Variants in RANBP2 observed in about 807,000 individuals in gnomAD.
The protein encoded by RANBP2 is E3 SUMO-protein ligase RanBP2.
RANBP2 carries 57 observed loss-of-function variants against 303.6 expected under a neutral mutation model. The observed-to-expected ratio is 0.19, with a 90% confidence interval of 0.15 to 0.23. The LOEUF is 0.23. RANBP2 is among the 10% of genes least tolerant of loss of function. The pLI, the probability that RANBP2 is intolerant of heterozygous loss-of-function variation, is 1.00. For synonymous variants in RANBP2, 1,167 were observed against 1,301.5 expected, an observed-to-expected ratio of 0.90 and a Z score of 2.23; for missense variants, 3,138 against 3,780.8, an observed-to-expected ratio of 0.83 and a Z score of 4.46.
At chr2:109,129,892 C>T in the RANBP2 span, 1 of 1,515,328 alleles carries the variant, frequency 6.6e-7, no homozygotes, top group Non-Finnish European at 8.8e-7. Context: ...GGTGCGACTG[C>T]TGGACGGCAT....
At chr2:108,977,656 C>T in the RANBP2 span, among the ~76,000 whole-genome samples, 8 of 152,070 alleles carry the variant, frequency 5.3e-5, no homozygotes, top group African/African-American at 1.2e-4. Flanking sequence ...CGTCCTCCCT[C>T]CTGGGACCCG....
At position 108,751,513 on chromosome 2, in the gene RANBP2, C is replaced by A; in HGVS notation, c.1456-15C>A. On this transcript the variant is annotated splice_polypyrimidine_tract_variant and intron_variant, in intron 10 of 28. Coordinates refer to ENST00000283195, the MANE Select transcript of RANBP2 (RefSeq NM_006267.5). Reference sequence around the variant, plus strand: ...TAATTTTTTTTCTAACTTAACTTTTCCTTAAATAAAACAGGTATTTCTCCT... The same window carrying A: ...TAATTTTTTTTCTAACTTAACTTTTACTTAAATAAAACAGGTATTTCTCCT... 6.2e-7 allele frequency: 1 copy of A among 1,611,432 alleles called. No individual in the cohort carries two copies. The highest frequency in any genetic ancestry group is 8.5e-7 in the Non-Finnish European group (1 of 1,179,678).
rs374238670 is a variant in RANBP2 at position 108,756,753 on chromosome 2, A to T, written c.2466+1494A>T. Among the ~76,000 whole-genome samples the T allele has an allele frequency of 2.4e-4, 36 of 152,318 alleles. No homozygotes were observed. The South Asian group carries it at 2.9e-3, about 12-fold the overall frequency. On this transcript the variant is annotated intron_variant, in intron 17 of 28. Coordinates refer to ENST00000283195, the MANE Select transcript of RANBP2 (RefSeq NM_006267.5). ...TAATGATCTTGGGCCAGTCACTTCC[A>T]TTGTGACTGTTTGGCTTCTTATCTT...
At chr2:109,073,092 C>A in the RANBP2 span, among the ~76,000 whole-genome samples, 1 of 152,090 alleles carries the variant, frequency 6.6e-6, no homozygotes. Flanking sequence ...CTGACCCAAA[C>A]AGAATGGAGA....
At chr2:109,427,701 A>G in the RANBP2 span, among the ~76,000 whole-genome samples, 1 of 152,200 alleles carries the variant, frequency 6.6e-6, no homozygotes, top group African/African-American at 2.4e-5. Flanking sequence ...TCCTTCCATG[A>G]ACTCTGTGAC....
At chr2:109,322,056 A>G in the RANBP2 span, among the ~76,000 whole-genome samples, 1 of 152,198 alleles carries the variant, frequency 6.6e-6, no homozygotes, top group Admixed American at 6.5e-5. Context: ...ACTGGAAGGC[A>G]CAGCAAGGAG....
chr2:109,497,614 G>A, the RANBP2 span, among the ~76,000 whole-genome samples: 2 of 152,182 alleles, frequency 1.3e-5, no homozygotes, highest in South Asian at 2.1e-4. Context: ...ACACGGACAC[G>A]ACAACGGCGC....
the RANBP2 span, chr2:109,614,240 T>C: frequency 1.3e-6 from 1 of 787,624 alleles, no homozygotes; most frequent in African/African-American, 1.8e-5. Flanking sequence ...CCTAGGTAGG[T>C]GTGGCCGAGA....
At chr2:109,532,963 A>T in the RANBP2 span, among the ~76,000 whole-genome samples, 2 of 152,130 alleles carry the variant, frequency 1.3e-5, no homozygotes, top group African/African-American at 4.8e-5. Context: ...GGCCAGGTGC[A>T]TGCTTGGCCC....
the RANBP2 span, among the ~76,000 whole-genome samples, chr2:109,326,692 T>A: frequency 1.3e-5 from 2 of 152,222 alleles, no homozygotes; most frequent in African/African-American, 4.8e-5. Flanking sequence ...TCTTGAAAGA[T>A]CTATCTGTTC....
chr2:109,295,011 A>G, the RANBP2 span, among the ~76,000 whole-genome samples: 1 of 152,248 alleles, frequency 6.6e-6, no homozygotes, highest in Non-Finnish European at 1.5e-5. Context: ...AAGCTATTCC[A>G]TGGATTAGCC....
chr2:108,956,737 G>A, the RANBP2 span, among the ~76,000 whole-genome samples: 7 of 151,976 alleles, frequency 4.6e-5, no homozygotes, highest in South Asian at 1.2e-3. Context: ...GGACTTTTAC[G>A]ATTAGGATCC....
At chr2:109,444,201 GA>G in the RANBP2 span, among the ~76,000 whole-genome samples, 1 of 152,200 alleles carries the variant, frequency 6.6e-6, no homozygotes, top group Non-Finnish European at 1.5e-5. Flanking sequence ...ATTTTGAGCT[GA>G]ATGAAATGAA....
the RANBP2 span, among the ~76,000 whole-genome samples, chr2:109,529,479 T>C: frequency 1.3e-5 from 2 of 151,812 alleles, no homozygotes; most frequent in Non-Finnish European, 2.9e-5. Flanking sequence ...GGGAAGGAGA[T>C]AGCACGGCCT....
At chr2:109,249,580 C>CTTTCCT in the RANBP2 span, among the ~76,000 whole-genome samples, 2 of 102,612 alleles carry the variant, frequency 1.9e-5, no homozygotes, top group African/African-American at 8.3e-5. Flanking sequence ...TCCTTCCTTC[C>CTTTCCT]TTCCTTTCCT....
chr2:109,457,063 G>A, the RANBP2 span, among the ~76,000 whole-genome samples: 5 of 152,184 alleles, frequency 3.3e-5, no homozygotes, highest in African/African-American at 9.7e-5. Flanking sequence ...ATGTGACTTC[G>A]AGCAAGCTTC....
chr2:109,645,229 A>G, the RANBP2 span, among the ~76,000 whole-genome samples: 1 of 152,210 alleles, frequency 6.6e-6, no homozygotes, highest in Non-Finnish European at 1.5e-5. Flanking sequence ...AGAGGCAACC[A>G]AGGTTTAAAT....
chr2:108,857,901 C>T, the RANBP2 span, among the ~76,000 whole-genome samples: 3 of 152,146 alleles, frequency 2.0e-5, no homozygotes, highest in African/African-American at 7.2e-5. Context: ...GCATCTTTCT[C>T]GTTGTCAAAG....
chr2:109,236,622 A>G, the RANBP2 span, among the ~76,000 whole-genome samples: 3 of 152,340 alleles, frequency 2.0e-5, no homozygotes, highest in South Asian at 6.2e-4. Context: ...TACCATTAAC[A>G]TTACCACGAG....
Sources: gnomAD v4.1 joint callset for allele counts (sites outside exome capture counted in the v4.1 genomes callset) on GRCh38, gnomAD v4.1.1 for gene constraint, MANE v1.5 for transcripts, NCBI Gene and HGNC (gene_info 2026-07-23, HGNC 2026-07-21) for gene names.